The following RELN variants were observed in gnomAD, a reference collection of about 807,000 sequenced individuals.
RELN encodes reelin.
In RELN, 108 loss-of-function variants were observed where a neutral mutation model predicts 427.6. The ratio of observed to expected loss-of-function variants is 0.25; its 90% CI spans 0.22 to 0.30. The LOEUF is 0.30. RELN is among the 10% of genes least tolerant of loss of function. The pLI is 1.00. For missense variants in RELN, 3,715 were observed against 4,302.8 expected (o/e 0.86, Z 3.82); for synonymous variants, 1,524 against 1,513.4 (o/e 1.01, Z -0.16).
intron 42 of RELN, among the ~76,000 whole-genome samples, chr7:103,544,117 A>G (rs1043983089): frequency 6.7e-6 from 1 of 149,866 alleles, no homozygotes; most frequent in Non-Finnish European, 1.5e-5. Context: ...TTTATGGCTG[A>G]GTAATGTTCC....
At chr7:103,728,660 T>TA (rs1790274711) in intron 6 of RELN, among the ~76,000 whole-genome samples, 1 of 152,126 alleles carries the variant, frequency 6.6e-6, no homozygotes, top group African/African-American at 2.4e-5. Flanking sequence ...ATAAGCAGAG[T>TA]AATAGCCACT....
intron 5 of RELN, among the ~76,000 whole-genome samples, chr7:103,750,349 G>A (rs1208910150): frequency 6.6e-6 from 1 of 152,138 alleles, no homozygotes; most frequent in Non-Finnish European, 1.5e-5. Context: ...ATGTGAAGAA[G>A]GACGTGTTTG....
Position 103,603,298 on chromosome 7 carries a change from T to TCATA in RELN, c.3333+2_3333+5dup, listed in dbSNP as rs775076909. The stretch of plus-strand genomic sequence containing the variant: ...CCCGATGACTTATCCCAGCTGTTGG[T>TCATA]CATACCTTGCTGAAGTACAGAGATG... On this transcript the variant is annotated splice_donor_region_variant and intron_variant, in intron 24 of 64. Coordinates refer to ENST00000428762, the MANE Select transcript of RELN (RefSeq NM_005045.4). This position sits in a 1 kb window ranked among gnomAD's most constrained non-coding sequence, Gnocchi z 4.3. 1.2e-6 allele frequency: 2 copies of TCATA among 1,612,356 alleles called. No individual in the cohort carries two copies. Among genetic ancestry groups the TCATA allele is most frequent in the South Asian group, 2.2e-5 (2 of 91,040 alleles).
At chr7:103,531,227 T>C (rs944091170) in intron 46 of RELN, among the ~76,000 whole-genome samples, 8 of 152,190 alleles carry the variant, frequency 5.3e-5, no homozygotes, top group Admixed American at 1.3e-4. Context: ...AGACTGAAGT[T>C]TAGAAACACA....
At chr7:103,592,461 T>C (rs533860035) in intron 27 of RELN, among the ~76,000 whole-genome samples, 40 of 152,286 alleles carry the variant, frequency 2.6e-4, no homozygotes, top group African/African-American at 9.1e-4. Context: ...AGGTGGTCTT[T>C]GCTAGTGTCA....
intron 59 of RELN, among the ~76,000 whole-genome samples, chr7:103,490,466 C>A (rs114255271): frequency 6.6e-6 from 1 of 152,136 alleles, no homozygotes; most frequent in Admixed American, 6.5e-5. Context: ...TACAGACACA[C>A]TCCAATTTCC....
intron 3 of RELN, among the ~76,000 whole-genome samples, chr7:103,796,841 A>G (rs1178685431): frequency 2.1e-5 from 3 of 144,256 alleles, no homozygotes; most frequent in Non-Finnish European, 4.5e-5. Context: ...AGCCCAGCCC[A>G]GGCAACAGGG....
At position 103,539,221 on chromosome 7, in the gene RELN, A is replaced by C; in HGVS notation, c.7037T>G (p.Val2346Gly). The change falls in exon 45 of 65, where the codon GTG becomes GGG. Residue 2346 changes from valine (V) to glycine (G), a missense_variant. Physicochemically the swap from Val to Gly is moderately radical, Grantham distance 109. Around this residue, in one of 4 missense-constraint regions of RELN, gnomAD observed 1,310 missense variants for 1,643.0 expected, o/e 0.80. Coordinates refer to ENST00000428762, the MANE Select transcript of RELN (RefSeq NM_005045.4). ...LLHPGGTKMP[V>G]CGSTGDALVF... The stretch of plus-strand genomic sequence containing the variant: ...CAGGGCATCACCAGTAGAGCCACAC[A>C]CGGGCATCTTGGTGCCTCCTGGGTG... 1.2e-6 allele frequency: 2 copies of C among 1,614,260 alleles called. No homozygotes were observed. Among genetic ancestry groups the C allele is most frequent in the Non-Finnish European group, 1.7e-6 (2 of 1,180,046 alleles).
Position 103,836,825 on chromosome 7 carries a change from C to T in RELN, c.338-3153G>A, listed in dbSNP as rs529021603. 4.6e-4 allele frequency among the ~76,000 whole-genome samples: 70 copies of T among 152,294 alleles called. 1 individual carries two copies. Among genetic ancestry groups the T allele is most frequent in the South Asian group, 1.5e-3 (7 of 4,820 alleles). On this transcript the variant is annotated intron_variant, in intron 2 of 64. Coordinates refer to ENST00000428762, the MANE Select transcript of RELN (RefSeq NM_005045.4). The stretch of plus-strand genomic sequence containing the variant: ...TACTTAATTCCAACACAGCACTTAG[C>T]CCAAGGCATTTGGAATATTCTGCTT...
At chr7:103,711,111 A>G (rs999790812) in intron 8 of RELN, among the ~76,000 whole-genome samples, 2 of 152,230 alleles carry the variant, frequency 1.3e-5, no homozygotes, top group African/African-American at 4.8e-5. Flanking sequence ...TAAGGAAAAA[A>G]GTACTATAGA....
chr7:103,519,350 A>C lies in RELN; in HGVS notation c.7835T>G (p.Ile2612Ser). ...GGITWNLLME[I>S]FYDQYSKPGF... ...GGGCTTACTGTACTGGTCATAGAAA[A>C]TCTCCATGAGCAGGTTCCAGGTAAT... The change falls in exon 49 of 65, where the codon ATT becomes AGT. Residue 2612 changes from isoleucine to serine, a missense_variant. Physicochemically the swap from Ile to Ser is moderately radical, Grantham distance 142 (BLOSUM62 -2). Transcript: ENST00000428762. 1.2e-6 allele frequency: 2 copies of C among 1,613,836 alleles called. No homozygotes were observed. The highest frequency in any genetic ancestry group is 1.7e-5 in the Admixed American group (1 of 60,022).
intron 11 of RELN, among the ~76,000 whole-genome samples, chr7:103,661,988 T>A (rs1833154144): frequency 6.6e-6 from 1 of 152,176 alleles, no homozygotes; most frequent in Admixed American, 6.6e-5. Context: ...TCTAGCAAGT[T>A]TTCAAAAAGG....
intron 49 of RELN, among the ~76,000 whole-genome samples, chr7:103,517,842 C>T (rs527642924): frequency 5.3e-5 from 8 of 152,330 alleles, no homozygotes; most frequent in Admixed American, 1.3e-4. Flanking sequence ...AGTGACTGGT[C>T]GCCCAGAATA....
chr7:103,660,620 G>A (rs1009799643), intron 12 of RELN, among the ~76,000 whole-genome samples: 2 of 152,134 alleles, frequency 1.3e-5, no homozygotes, highest in African/African-American at 4.8e-5. Flanking sequence ...TGACATCTTT[G>A]CTAGTAAGTT....
At chr7:103,690,952 A>G (rs770390198) in intron 10 of RELN, among the ~76,000 whole-genome samples, 6 of 152,152 alleles carry the variant, frequency 3.9e-5, no homozygotes, top group Admixed American at 6.6e-5. Context: ...ACTTGGAAAA[A>G]GAAAGGAGGA....
At chr7:103,960,570 T>C (rs1796529776) in intron 1 of RELN, among the ~76,000 whole-genome samples, 1 of 152,244 alleles carries the variant, frequency 6.6e-6, no homozygotes, top group Admixed American at 6.5e-5. Flanking sequence ...ATCTGGCATA[T>C]TTGACAGGTA....
intron 3 of RELN, among the ~76,000 whole-genome samples, chr7:103,794,968 A>G (rs1792264210): frequency 6.6e-6 from 1 of 152,224 alleles, no homozygotes; most frequent in Non-Finnish European, 1.5e-5. Context: ...TACTGAATAC[A>G]TATGCATTTT....
intron 8 of RELN, among the ~76,000 whole-genome samples, chr7:103,714,392 C>T (rs1223963622): frequency 6.6e-6 from 1 of 152,156 alleles, no homozygotes; most frequent in South Asian, 2.1e-4. Flanking sequence ...GGAAAATCTA[C>T]TGGGAAGATG....
chr7:103,487,729 TC>T (rs1349646145), intron 60 of RELN, among the ~76,000 whole-genome samples: 1 of 152,230 alleles, frequency 6.6e-6, no homozygotes, highest in Admixed American at 6.5e-5. Context: ...ATTTCTTTTT[TC>T]CTAGCATGAT....
Sources: gnomAD v4.1 joint callset for allele counts (sites outside exome capture counted in the v4.1 genomes callset) on GRCh38, gnomAD v4.1.1 for gene constraint, gnomAD v4.1.1 regional missense constraint, Gnocchi (gnomAD v3.1) non-coding constraint, MANE v1.5 for transcripts, NCBI Gene and HGNC (gene_info 2026-07-23, HGNC 2026-07-21) for gene names.